RADIL: variants seen among roughly 807,000 people sequenced by gnomAD.
RADIL encodes the protein Rap associating with DIL domain.
In RADIL, 99 loss-of-function variants were observed where a neutral mutation model predicts 97.6. The observed-to-expected ratio is 1.01, with a 90% CI of 0.86 to 1.20. The LOEUF (loss-of-function observed/expected upper bound fraction) is 1.20, where lower values mean the gene tolerates loss of function less well. RADIL is among the 50% of genes most tolerant of loss of function. RADIL has a pLI of 0.00. For missense variants in RADIL, 1,765 were observed against 1,498.9 expected (o/e 1.18, Z -2.93); for synonymous variants, 803 against 691.8 (o/e 1.16, Z -2.52).
rs1199445161 is a variant in RADIL, at chr7:4,801,970, C to T, written c.2525G>A (p.Gly842Glu). 1 of 1,546,616 alleles carries T rather than the reference C, an allele frequency of 6.5e-7. No individual in the cohort carries two copies. Residue 842 changes from glycine (G) to glutamate (E), a missense_variant, in exon 12 of 15, where the codon GGG becomes GAG. Gly to Glu is a moderately conservative substitution (Grantham distance 98, BLOSUM62 -2). Coordinates refer to ENST00000399583, the MANE Select transcript of RADIL (RefSeq NM_018059.5). ...PEGMHHVVLD[G>E]HLEAPSCPLA... is the part of the protein sequence containing the mutation. ...GGGGCAGCTCGGGGCCTCCAGGTGC[C>T]CGTCAAGGACCACGTGGTGCATACC...
At chr7:4,868,755 A>G (rs1320487388) in intron 2 of RADIL, among the ~76,000 whole-genome samples, 1 of 152,246 alleles carries the variant, frequency 6.6e-6, no homozygotes, top group Non-Finnish European at 1.5e-5. Context: ...TCCTTGGTCA[A>G]AGAAAAATTT....
chr7:4,800,985 A>G (rs1443635361), intron 12 of RADIL, among the ~76,000 whole-genome samples: 1 of 152,148 alleles, frequency 6.6e-6, no homozygotes, highest in East Asian at 1.9e-4. Context: ...CTCACCCTCA[A>G]TGCCCTCCCC....
chr7:4,846,265 G>C (rs983729794), intron 2 of RADIL, among the ~76,000 whole-genome samples: 1 of 151,904 alleles, frequency 6.6e-6, no homozygotes, highest in African/African-American at 2.4e-5. Context: ...TCCTGCCTCA[G>C]CCTCCTGAGT....
chr7:4,861,231 A>C, intron 2 of RADIL: 1 of 1,614,122 alleles, frequency 6.2e-7, no homozygotes, highest in Non-Finnish European at 8.5e-7. Flanking sequence ...CTAATGTCTA[A>C]ATTTTTAAGT....
At chr7:4,869,652 G>C (rs534734204) in intron 2 of RADIL, among the ~76,000 whole-genome samples, 1 of 151,814 alleles carries the variant, frequency 6.6e-6, no homozygotes, top group African/African-American at 2.4e-5. Context: ...AGGGTATTTG[G>C]TCTGCATCTG....
rs951012882 is a variant in RADIL, at chr7:4,878,407, G to C, written c.-64-204C>G. 6.6e-5 allele frequency among the ~76,000 whole-genome samples: 10 copies of C among 152,160 alleles called. No homozygotes were observed. The highest frequency in any genetic ancestry group is 1.3e-4 in the Non-Finnish European group (9 of 68,024). ...AAAAATTTAAAAATTAGCCAGGCAT[G>C]GTGGTGTGCACTGTACCCACTGCTC... On this transcript the variant is annotated intron_variant, in intron 1 of 14. Transcript: ENST00000399583. This position sits in a 1 kb window ranked among gnomAD's most constrained non-coding sequence, Gnocchi z 4.1.
chr7:4,847,964 A>G (rs1012250564), intron 2 of RADIL, among the ~76,000 whole-genome samples: 1 of 152,082 alleles, frequency 6.6e-6, no homozygotes, highest in African/African-American at 2.4e-5. Flanking sequence ...GGGAGGCCGC[A>G]GCAGGCGGAT....
At position 4,799,036 on chromosome 7, in the gene RADIL, G is replaced by A. The variant is rs1459497451; in HGVS notation, c.*342C>T. 1 of 287,782 alleles carries A rather than the reference G, an allele frequency of 3.5e-6. No individual in the cohort carries two copies. Among genetic ancestry groups the A allele is most frequent in the African/African-American group, 2.2e-5 (1 of 45,342 alleles). The allele number at this position is 287,782 out of a possible 1,614,324, so 17.8% of individuals were successfully genotyped here. A position where few individuals can be genotyped will look rare whatever the true frequency, so the allele number is the denominator to read the frequency against. ...TGCCGGTGGCAGGCAGAGGCCATGG[G>A]GAGCCCCTGCGGCCCCTCCGAGCAG... is the stretch of plus-strand genomic sequence containing the variant. On this transcript the variant is annotated 3_prime_UTR_variant, in exon 15 of 15. Coordinates refer to ENST00000399583, the MANE Select transcript of RADIL (RefSeq NM_018059.5).
chr7:4,822,378 G>A lies in RADIL; in HGVS notation c.1615+16C>T, dbSNP rs775889229. On this transcript the variant is annotated intron_variant, in intron 6 of 14. Transcript: ENST00000399583. The surrounding 1 kb of genome is among the most constrained non-coding windows in gnomAD (Gnocchi z 5.3). ...GGGGTGCTGGCGGGGGGAATGGAGGGCAGCGCCAGCCGTACCTGTGATGTC... is the reference window on the plus strand; with the variant it reads ...GGGGTGCTGGCGGGGGGAATGGAGGACAGCGCCAGCCGTACCTGTGATGTC... 2 of 1,600,436 alleles carry A rather than the reference G, an allele frequency of 1.2e-6. No homozygotes were observed. The highest frequency in any genetic ancestry group is 3.5e-5 in the Admixed American group (2 of 57,470).
At chr7:4,805,871 C>T in intron 9 of RADIL, 155 bp from the exon 10 acceptor site, 1 of 985,362 alleles carries the variant, frequency 1.0e-6, no homozygotes, top group Non-Finnish European at 1.2e-6. Context: ...GACGGTGTCA[C>T]AGCAGCAGTT....
chr7:4,844,252 T>C (rs1283596137), intron 2 of RADIL, among the ~76,000 whole-genome samples: 1 of 152,064 alleles, frequency 6.6e-6, no homozygotes, highest in East Asian at 1.9e-4. Flanking sequence ...GAGACCATCC[T>C]GGCCAACATG....
chr7:4,850,395 T>A (rs1038447840), intron 2 of RADIL, among the ~76,000 whole-genome samples: 1 of 152,228 alleles, frequency 6.6e-6, no homozygotes, highest in Non-Finnish European at 1.5e-5. Context: ...TCTGTGATTA[T>A]GCTGCATGGC....
At chr7:4,876,889 T>C (rs1032045751) in intron 2 of RADIL, among the ~76,000 whole-genome samples, 4 of 152,294 alleles carry the variant, frequency 2.6e-5, no homozygotes, top group Admixed American at 2.6e-4. Flanking sequence ...CCACGTAGGT[T>C]TTGGCCTGGG....
rs981547830 is a variant in RADIL, at chr7:4,842,814, G to A, written c.536-6209C>T. ...CGGAGGGGATAATGAAACGTTCCTG[G>A]GCTGGGGAACTTTACCACTACTGGG... On this transcript the variant is annotated intron_variant, in intron 2 of 14. Coordinates refer to ENST00000399583, the MANE Select transcript of RADIL (RefSeq NM_018059.5). This position sits in a 1 kb window ranked among gnomAD's most constrained non-coding sequence, Gnocchi z 4.5. Among the ~76,000 whole-genome samples the A allele has an allele frequency of 6.6e-6, 1 of 152,012 alleles. No individual in the cohort carries two copies. Among genetic ancestry groups the A allele is most frequent in the African/African-American group, 2.4e-5 (1 of 41,366 alleles).
intron 2 of RADIL, among the ~76,000 whole-genome samples, chr7:4,874,483 G>A (rs568658310): frequency 7.9e-5 from 12 of 152,304 alleles, no homozygotes; most frequent in South Asian, 6.2e-4. Context: ...CAAACCACCC[G>A]GCCGCCTCAG....
intron 2 of RADIL, among the ~76,000 whole-genome samples, chr7:4,871,522 G>T (rs145171481): frequency 2.0e-5 from 3 of 152,184 alleles, no homozygotes; most frequent in Admixed American, 6.5e-5. Flanking sequence ...GGCACTCAGC[G>T]ACAACACAGA....
Position 4,816,454 on chromosome 7 carries a change from G to C in RADIL, c.1740C>G (p.Ile580Met), listed in dbSNP as rs1195151126. 4 of 1,606,778 alleles carry C rather than the reference G, an allele frequency of 2.5e-6. No individual in the cohort carries two copies. The African/African-American group carries it at 5.3e-5, about 21-fold the overall frequency. The change falls in exon 8 of 15, where the codon ATC becomes ATG. Residue 580 changes from isoleucine (I) to methionine (M), a missense_variant. Ile to Met is a conservative substitution (Grantham distance 10, BLOSUM62 1). Transcript: ENST00000399583. Reference sequence around the variant, plus strand: ...GGCACTCCAGGAGTGCCGGGAGGCAGATGTACAGGGACTGGCGGGGGCAAG... The same window carrying C: ...GGCACTCCAGGAGTGCCGGGAGGCACATGTACAGGGACTGGCGGGGGCAAG... ...CVYYVSKSLY[I>M]CLPALLECPP...
intron 5 of RADIL, among the ~76,000 whole-genome samples, chr7:4,825,553 G>A (rs974115405): frequency 2.6e-5 from 4 of 152,048 alleles, no homozygotes; most frequent in Non-Finnish European, 4.4e-5. Context: ...CAGGAAGAAA[G>A]GAAGAAAGAA....
In RADIL at chr7:4,799,335, TG is replaced by T; in HGVS notation, c.*42del. 5.0e-6 allele frequency: 8 copies of T among 1,591,896 alleles called. No individual in the cohort carries two copies. The highest frequency in any genetic ancestry group is 6.0e-6 in the Non-Finnish European group (7 of 1,161,204). On this transcript the variant is annotated 3_prime_UTR_variant, in exon 15 of 15. Transcript: ENST00000399583. ...CGGGAGGAAGCCCAGTGTCACCAGGTGGGACCGGGTGCCGGGCCTGTGGGGG... is the reference window on the plus strand; with the variant it reads ...CGGGAGGAAGCCCAGTGTCACCAGGTGGACCGGGTGCCGGGCCTGTGGGGG...
Sources: allele counts gnomAD v4.1 joint callset (sites outside exome capture counted in the v4.1 genomes callset), GRCh38; gene constraint gnomAD v4.1.1; non-coding constraint Gnocchi (gnomAD v3.1); transcripts MANE v1.5; gene names NCBI Gene and HGNC (gene_info 2026-07-23, HGNC 2026-07-21).